Variants in ATP9B observed in about 807,000 individuals in gnomAD.
ATP9B encodes probable phospholipid-transporting ATPase IIB.
A neutral mutation model predicts 146.1 loss-of-function variants in ATP9B; 110 were observed. The ratio of observed to expected loss-of-function variants is 0.75; its 90% confidence interval spans 0.65 to 0.88. The LOEUF (loss-of-function observed/expected upper bound fraction) is 0.88. ATP9B is among the 40% of genes least tolerant of loss of function. The probability of loss-of-function intolerance (pLI) is 0.00; values close to 1 mark genes in which losing one functional copy is unlikely to be tolerated. For synonymous variants in ATP9B, 604 were observed against 569.7 expected (o/e 1.06, Z -0.86); for missense variants, 1,499 against 1,496.4 (o/e 1.00, Z -0.03).
intron 11 of ATP9B, among the ~76,000 whole-genome samples, chr18:79,252,472 C>G (rs1375521217): frequency 1.3e-5 from 2 of 152,172 alleles, no homozygotes; most frequent in African/African-American, 4.8e-5. Context: ...TGTGGTCTTT[C>G]AGGGCTGAAA....
At chr18:79,143,110 A>C (rs2094533835) in intron 5 of ATP9B, among the ~76,000 whole-genome samples, 1 of 152,192 alleles carries the variant, frequency 6.6e-6, no homozygotes, top group Non-Finnish European at 1.5e-5. Context: ...AGACAGACAG[A>C]AAGGGAGGAA....
At chr18:79,215,422 CAT>C (rs2095618826) in intron 11 of ATP9B, among the ~76,000 whole-genome samples, 1 of 152,086 alleles carries the variant, frequency 6.6e-6, no homozygotes, top group South Asian at 2.1e-4. Flanking sequence ...CTGTGTGTTA[CAT>C]GTTTGCTAAA....
At chr18:79,264,809 G>A (rs1434733551) in intron 12 of ATP9B, among the ~76,000 whole-genome samples, 1 of 152,078 alleles carries the variant, frequency 6.6e-6, no homozygotes, top group Non-Finnish European at 1.5e-5. Flanking sequence ...CCAAGCATTT[G>A]TATACACATG....
Position 79,070,339 on chromosome 18 carries a change from CAT to C in ATP9B, c.119+814_119+815del, listed in dbSNP as rs374782087. On this transcript the variant is annotated intron_variant, in intron 1 of 29. Coordinates refer to ENST00000426216, the MANE Select transcript of ATP9B (RefSeq NM_198531.5). ...TGTTTTCGGCCATTTGAGAGACTAACATATAGCTCAAAGTACATACTGGAATG... is the reference window on the plus strand; with the variant it reads ...TGTTTTCGGCCATTTGAGAGACTAACATAGCTCAAAGTACATACTGGAATG... 6.1e-3 allele frequency among the ~76,000 whole-genome samples: 929 copies of C among 152,316 alleles called. 10 individuals are homozygous for C. Among genetic ancestry groups the C allele is most frequent in the African/African-American group, 0.021 (873 of 41,566 alleles).
intron 12 of ATP9B, among the ~76,000 whole-genome samples, chr18:79,271,852 C>T (rs1483474940): frequency 6.6e-6 from 1 of 152,046 alleles, no homozygotes; most frequent in Non-Finnish European, 1.5e-5. Context: ...TACAGTCCCA[C>T]CAACAGTGTA....
chr18:79,271,148 C>T lies in ATP9B; in HGVS notation c.1269-5906C>T, dbSNP rs1427480398. 2.6e-5 allele frequency among the ~76,000 whole-genome samples: 4 copies of T among 152,288 alleles called. No homozygotes were observed. The East Asian group carries it at 7.7e-4, about 29-fold the overall frequency. On this transcript the variant is annotated intron_variant, in intron 12 of 29. Transcript: ENST00000426216. ...ACTTTATTGCAAATCTCCAATCATC[C>T]CACACCCACTCAGAAACATTATAAT...
chr18:79,283,998 C>A (rs554769857), intron 13 of ATP9B, among the ~76,000 whole-genome samples: 2 of 152,166 alleles, frequency 1.3e-5, no homozygotes. Flanking sequence ...TAAAAACACC[C>A]ACTAAAACAA....
At chr18:79,352,349 G>C (rs2096926936) in intron 25 of ATP9B, 1 of 152,216 alleles carries the variant, frequency 6.6e-6, no homozygotes, top group Admixed American at 6.5e-5. Flanking sequence ...GTCCCTCGGG[G>C]AGCCGTGTCC....
At chr18:79,221,711 A>C (rs2095678978) in intron 11 of ATP9B, among the ~76,000 whole-genome samples, 1 of 152,132 alleles carries the variant, frequency 6.6e-6, no homozygotes, top group South Asian at 2.1e-4. Context: ...ACAGAGCCAG[A>C]CCCTGTCTCA....
At chr18:79,226,778 A>C (rs558277774) in intron 11 of ATP9B, among the ~76,000 whole-genome samples, 1 of 152,140 alleles carries the variant, frequency 6.6e-6, no homozygotes, top group Non-Finnish European at 1.5e-5. Flanking sequence ...ATAAAAATGG[A>C]AAGTTTGCAG....
At chr18:79,375,095 C>T (rs1275193265) in intron 28 of ATP9B, among the ~76,000 whole-genome samples, 2 of 152,228 alleles carry the variant, frequency 1.3e-5, no homozygotes, top group Admixed American at 6.5e-5. Flanking sequence ...AGCCCTCCAG[C>T]GCGTGCGCCT....
chr18:79,195,088 C>G (rs1454568068), intron 9 of ATP9B, among the ~76,000 whole-genome samples: 2 of 152,144 alleles, frequency 1.3e-5, no homozygotes, highest in Non-Finnish European at 2.9e-5. Flanking sequence ...TAATAACCAT[C>G]AGAAGAGTCA....
At chr18:79,317,086 C>T (rs76859624) in intron 15 of ATP9B, among the ~76,000 whole-genome samples, 3,197 of 151,992 alleles carry the variant, frequency 0.021, 79 homozygotes, top group Non-Finnish European at 0.029. Context: ...TCTGAGTAGA[C>T]GAGAAAAGAA....
intron 1 of ATP9B, among the ~76,000 whole-genome samples, chr18:79,071,417 A>C (rs1438749627): frequency 1.3e-3 from 1 of 758 alleles, no homozygotes; most frequent in African/African-American, 2.6e-3. Context: ...TTTTTTTGAG[A>C]CAGGGTCTCA....
intron 13 of ATP9B, among the ~76,000 whole-genome samples, chr18:79,278,386 A>G (rs922834088): frequency 4.6e-5 from 7 of 152,144 alleles, no homozygotes; most frequent in African/African-American, 1.2e-4. Flanking sequence ...TTCACTTTCA[A>G]TACGGTGTTC....
intron 26 of ATP9B, 21 bp downstream of exon 26, chr18:79,359,483 GT>G: frequency 6.3e-7 from 1 of 1,577,000 alleles, no homozygotes. Flanking sequence ...CAGGCAAGCT[GT>G]CTGCCTCACG....
chr18:79,180,982 T>G (rs969275203), intron 8 of ATP9B, among the ~76,000 whole-genome samples: 10 of 151,584 alleles, frequency 6.6e-5, no homozygotes, highest in Non-Finnish European at 1.5e-4. Context: ...TTTGTTTTTT[T>G]TTTTTTTAAG....
chr18:79,180,781 T>C (rs999401537), intron 8 of ATP9B, among the ~76,000 whole-genome samples: 1 of 136,094 alleles, frequency 7.3e-6, no homozygotes, highest in Non-Finnish European at 1.5e-5. Context: ...TGTCTTTATT[T>C]TGCCTTTTTC....
chr18:79,248,109 C>A (rs1398489478), intron 11 of ATP9B, among the ~76,000 whole-genome samples: 1 of 152,162 alleles, frequency 6.6e-6, no homozygotes, highest in Non-Finnish European at 1.5e-5. Context: ...AGGCGATAAA[C>A]GATAATGGCT....
Sources: allele counts gnomAD v4.1 joint callset (sites outside exome capture counted in the v4.1 genomes callset), GRCh38; gene constraint gnomAD v4.1.1; transcripts MANE v1.5; gene names NCBI Gene and HGNC (gene_info 2026-07-23, HGNC 2026-07-21).